ZNF462: variants seen among roughly 807,000 people sequenced by gnomAD.
The protein encoded by ZNF462 is zinc finger protein 462.
ZNF462 carries 10 observed loss-of-function variants against 201.9 expected under a neutral mutation model. The ratio of observed to expected loss-of-function variants is 0.05; its 90% CI spans 0.03 to 0.08. The LOEUF (loss-of-function observed/expected upper bound fraction) is 0.08. Ranked by LOEUF, ZNF462 falls within the 10% of genes least tolerant of loss-of-function variation. ZNF462 has a pLI of 1.00. For synonymous variants in ZNF462, 1,227 were observed against 1,193.3 expected (o/e 1.03, Z -0.58); for missense variants, 2,523 against 3,168.3 (o/e 0.80, Z 4.89).
rs1829960971 is a variant in ZNF462 at position 106,920,822 on chromosome 9, T to C, written c.-30-2532T>C. On this transcript the variant is annotated intron_variant, in intron 1 of 12. Transcript: ENST00000277225. The surrounding 1 kb of genome is among the most constrained non-coding windows in gnomAD (Gnocchi z 4.3). ...AATGCCGAAGGTGCCCTGCTTTCCT[T>C]CTGCAGAACCGTAACTTCTGTTGAT... Among the ~76,000 whole-genome samples, 2 of 152,206 alleles carry C rather than the reference T, an allele frequency of 1.3e-5. No individual in the cohort carries two copies. The highest frequency in any genetic ancestry group is 4.8e-5 in the African/African-American group (2 of 41,458).
intron 7 of ZNF462, among the ~76,000 whole-genome samples, chr9:106,956,162 A>G (rs1268231426): frequency 6.6e-6 from 1 of 152,118 alleles, no homozygotes; most frequent in Non-Finnish European, 1.5e-5. Flanking sequence ...CTGAATCCTT[A>G]TTACCTGTAT....
At chr9:106,995,223 C>G (rs1828614429) in intron 10 of ZNF462, among the ~76,000 whole-genome samples, 1 of 152,004 alleles carries the variant, frequency 6.6e-6, no homozygotes. Flanking sequence ...TGGACTTTTG[C>G]TAAGTTAGGT....
chr9:106,875,968 A>AT (rs1305442972), intron 1 of ZNF462, among the ~76,000 whole-genome samples: 1 of 152,256 alleles, frequency 6.6e-6, no homozygotes, highest in African/African-American at 2.4e-5. Flanking sequence ...AGATAGATAG[A>AT]TAGATACTCT....
intron 7 of ZNF462, among the ~76,000 whole-genome samples, chr9:106,959,152 G>T (rs1167698557): frequency 6.6e-6 from 1 of 152,052 alleles, no homozygotes; most frequent in Non-Finnish European, 1.5e-5. Flanking sequence ...CTGAATCCAA[G>T]TCCCACAATC....
intron 7 of ZNF462, among the ~76,000 whole-genome samples, chr9:106,944,619 G>C (rs941476529): frequency 2.6e-5 from 4 of 152,102 alleles, no homozygotes; most frequent in Admixed American, 6.6e-5. Flanking sequence ...TATACAATCA[G>C]TTGTTGTTTA....
At chr9:106,915,868 G>A (rs1829751041) in intron 1 of ZNF462, among the ~76,000 whole-genome samples, 1 of 152,190 alleles carries the variant, frequency 6.6e-6, no homozygotes, top group Admixed American at 6.5e-5. Flanking sequence ...GCAGATCCAG[G>A]TGCCAGGCTT....
intron 6 of ZNF462, among the ~76,000 whole-genome samples, chr9:106,937,134 A>G (rs1380054412): frequency 6.6e-6 from 1 of 152,132 alleles, no homozygotes; most frequent in Non-Finnish European, 1.5e-5. Flanking sequence ...TGCTAACCCA[A>G]ACATCTGGAT....
At position 106,876,282 on chromosome 9, in the gene ZNF462, AAG is replaced by A. The variant is rs1357603692; in HGVS notation, c.-31+12930_-31+12931del. Among the ~76,000 whole-genome samples the A allele has an allele frequency of 6.6e-6, 1 of 152,242 alleles. No individual in the cohort carries two copies. Among genetic ancestry groups the A allele is most frequent in the Non-Finnish European group, 1.5e-5 (1 of 68,038 alleles). ...AAGGATTAAAAAATAATATGTGTCT[AAG>A]AGTCCTGGCTCATAATGGCCAGGAA... On this transcript the variant is annotated intron_variant, in intron 1 of 12. Coordinates refer to ENST00000277225, the MANE Select transcript of ZNF462 (RefSeq NM_021224.6). The surrounding 1 kb of genome is among the most constrained non-coding windows in gnomAD (Gnocchi z 4.9).
At position 106,895,970 on chromosome 9, in the gene ZNF462, A is replaced by T. The variant is rs1017873019; in HGVS notation, c.-30-27384A>T. Among the ~76,000 whole-genome samples, 3 of 152,180 alleles carry T rather than the reference A, an allele frequency of 2.0e-5. No individual in the cohort carries two copies. Among genetic ancestry groups the T allele is most frequent in the Non-Finnish European group, 4.4e-5 (3 of 68,024 alleles). On this transcript the variant is annotated intron_variant, in intron 1 of 12. Transcript: ENST00000277225. The surrounding 1 kb of genome is among the most constrained non-coding windows in gnomAD (Gnocchi z 4.4). The stretch of plus-strand genomic sequence containing the variant: ...CAATGCAAAAAAAACAAGAACATTC[A>T]TTATCTAACCCGCCCTTTCTAGCCT...
intron 10 of ZNF462, among the ~76,000 whole-genome samples, chr9:106,990,025 T>A (rs1828147407): frequency 6.6e-6 from 1 of 152,064 alleles, no homozygotes; most frequent in Non-Finnish European, 1.5e-5. Context: ...TGTTTTTTGT[T>A]TGTTTGTTTC....
chr9:106,916,127 T>C (rs1829762893), intron 1 of ZNF462, among the ~76,000 whole-genome samples: 1 of 152,188 alleles, frequency 6.6e-6, no homozygotes, highest in South Asian at 2.1e-4. Flanking sequence ...TGGCCATACA[T>C]CATTTTTTTT....
At chr9:106,973,824 T>G (rs1328287413) in intron 8 of ZNF462, among the ~76,000 whole-genome samples, 3 of 152,024 alleles carry the variant, frequency 2.0e-5, no homozygotes, top group Non-Finnish European at 4.4e-5. Flanking sequence ...TTTTTGGGAT[T>G]TTGTTTTGAT....
At position 106,864,049 on chromosome 9, in the gene ZNF462, T is replaced by G. The variant is rs1180462733; in HGVS notation, c.-31+694T>G. Among the ~76,000 whole-genome samples the G allele has an allele frequency of 2.4e-3, 105 of 43,950 alleles. 1 individual carries two copies. Among genetic ancestry groups the G allele is most frequent in the East Asian group, 0.013 (23 of 1,792 alleles). The allele number at this position is 43,950 out of a possible 152,430, so 28.8% of individuals were successfully genotyped here. ...TTCCTCAGGTATTTGGCTCTCTCTC[T>G]CTCTCTCTCTCTCTCTCTCTCTCTC... On this transcript the variant is annotated intron_variant, in intron 1 of 12. Coordinates refer to ENST00000277225, the MANE Select transcript of ZNF462 (RefSeq NM_021224.6).
At chr9:106,990,851 A>G (rs919288802) in intron 10 of ZNF462, among the ~76,000 whole-genome samples, 2 of 152,036 alleles carry the variant, frequency 1.3e-5, no homozygotes, top group Non-Finnish European at 2.9e-5. Flanking sequence ...ATAATTCTCC[A>G]AAGACTTTTG....
chr9:106,928,769 C>A lies in ZNF462; in HGVS notation c.4857C>A (p.Leu1619=). Residue 1619 remains leucine, a synonymous_variant, in exon 3 of 13, where the codon CTC becomes CTA. Transcript: ENST00000277225. This position sits in a 1 kb window ranked among gnomAD's most constrained non-coding sequence, Gnocchi z 9.3. ...SQSPPKLPVP[L]EPEMTTEVSP... is the part of the protein sequence containing the mutation. Reference sequence around the variant, plus strand: ...CGCCCCCGAAGCTGCCAGTCCCCCTCGAGCCCGAGATGACCACTGAAGTGA... The same window carrying A: ...CGCCCCCGAAGCTGCCAGTCCCCCTAGAGCCCGAGATGACCACTGAAGTGA... The A allele has an allele frequency of 1.9e-6, 3 of 1,614,108 alleles. No homozygotes were observed. In the South Asian group the frequency reaches 3.3e-5, roughly 18 times the overall value.
chr9:106,987,239 A>G (rs905388374), intron 10 of ZNF462, among the ~76,000 whole-genome samples: 2 of 152,144 alleles, frequency 1.3e-5, no homozygotes, highest in Non-Finnish European at 2.9e-5. Context: ...GAATCACCAC[A>G]CTGTTTTCCA....
intron 9 of ZNF462, among the ~76,000 whole-genome samples, chr9:106,983,878 T>TC (rs1035757318): frequency 2.0e-5 from 3 of 152,100 alleles, no homozygotes; most frequent in Non-Finnish European, 4.4e-5. Context: ...CTTCTATTCC[T>TC]CCCCCTTGCC....
rs1347704072 is a variant in ZNF462 at position 107,003,607 on chromosome 9, AT to A, written c.7189+182del. Among the ~76,000 whole-genome samples, 1 of 152,202 alleles carries A rather than the reference AT, an allele frequency of 6.6e-6. No homozygotes were observed. Among genetic ancestry groups the A allele is most frequent in the Non-Finnish European group, 1.5e-5 (1 of 68,036 alleles). ...GTGTCTTTGTAAACTATTACCAGCT[AT>A]AGAAACGCCAAGGAAAACAGACATT... On this transcript the variant is annotated intron_variant, in intron 11 of 12. Transcript: ENST00000277225. This position sits in a 1 kb window ranked among gnomAD's most constrained non-coding sequence, Gnocchi z 4.4.
intron 10 of ZNF462, among the ~76,000 whole-genome samples, chr9:107,001,213 A>G (rs979332819): frequency 2.0e-5 from 3 of 152,162 alleles, no homozygotes; most frequent in Non-Finnish European, 4.4e-5. Flanking sequence ...AACCTTGCCC[A>G]CTTTTCCTGA....
Sources: allele counts gnomAD v4.1 joint callset (sites outside exome capture counted in the v4.1 genomes callset), GRCh38; gene constraint gnomAD v4.1.1; non-coding constraint Gnocchi (gnomAD v3.1); transcripts MANE v1.5; gene names NCBI Gene and HGNC (gene_info 2026-07-23, HGNC 2026-07-21).